Variants in TNC observed in about 807,000 individuals in gnomAD.
TNC encodes the protein tenascin.
Under a neutral mutation model 202.4 loss-of-function variants are expected in TNC, and 109 were observed. The ratio of observed to expected loss-of-function variants is 0.54; its 90% confidence interval spans 0.46 to 0.63. The LOEUF is 0.63. Among genes scored for constraint, TNC ranks in the 30% least tolerant of loss-of-function variants. The probability of loss-of-function intolerance (pLI) is 0.00; values close to 1 mark genes in which losing one functional copy is unlikely to be tolerated. For synonymous variants in TNC, 1,007 were observed against 1,089.7 expected (o/e 0.92, Z 1.50); for missense variants, 2,756 against 2,833.3 (o/e 0.97, Z 0.62).
Position 115,040,302 on chromosome 9 carries a change from A to G in TNC, c.5392+639T>C, listed in dbSNP as rs1055897730. Among the ~76,000 whole-genome samples, 4 of 152,172 alleles carry G rather than the reference A, an allele frequency of 2.6e-5. No individual in the cohort carries two copies. The South Asian group carries it at 8.3e-4, about 32-fold the overall frequency. ...GTCTCCTCTGTAAAATGGGGATGAT[A>G]ATAGCTGTGGGGATTAAATGTGAAG... On this transcript the variant is annotated intron_variant, in intron 19 of 27. Coordinates refer to ENST00000350763, the MANE Select transcript of TNC (RefSeq NM_002160.4).
chr9:115,037,234 G>T (rs561566124), intron 20 of TNC, among the ~76,000 whole-genome samples: 1 of 152,218 alleles, frequency 6.6e-6, no homozygotes, highest in East Asian at 1.9e-4. Context: ...ACAGACGCTG[G>T]TGCCTGCTCA....
At chr9:115,094,867 G>GTGTGTGTGTC (rs1554720502) in intron 1 of TNC, among the ~76,000 whole-genome samples, 7 of 140,394 alleles carry the variant, frequency 5.0e-5, no homozygotes, top group East Asian at 2.2e-4. Context: ...GTGTGTGTGT[G>GTGTGTGTGTC]TGTGCGTTTA....
In TNC at chr9:115,064,920, C is replaced by G. The variant is rs554971570; in HGVS notation, c.3215-1G>C. ...AGGTTTTCCAGCTCAGGGGCTTGTT[C>G]TGAATAATGACAGAGATGGGGTCAG... On this transcript the variant is annotated splice_acceptor_variant, in intron 10 of 27. Transcript: ENST00000350763. LOFTEE classifies it high-confidence loss of function. The G allele has an allele frequency of 6.2e-7, 1 of 1,612,436 alleles. No homozygotes were observed. Among genetic ancestry groups the G allele is most frequent in the Non-Finnish European group, 8.5e-7 (1 of 1,179,034 alleles).
intron 8 of TNC, 125 bp from the exon 9 acceptor site, chr9:115,076,246 AC>A: frequency 7.1e-7 from 1 of 1,400,168 alleles, no homozygotes; most frequent in East Asian, 2.3e-5. Context: ...TTACAAAAGA[AC>A]TCACTGCAAT....
intron 1 of TNC, among the ~76,000 whole-genome samples, chr9:115,102,617 A>C (rs537032247): frequency 3.3e-5 from 5 of 152,304 alleles, no homozygotes; most frequent in African/African-American, 1.2e-4. Flanking sequence ...ATATTATTTG[A>C]TTTATCATTT....
intron 19 of TNC, among the ~76,000 whole-genome samples, chr9:115,038,781 G>A (rs185938056): frequency 1.9e-4 from 29 of 152,200 alleles, no homozygotes; most frequent in Admixed American, 1.6e-3. Context: ...GCATAGTTAA[G>A]ACTGCCCGAG....
At chr9:115,084,156 A>T in intron 4 of TNC, 53 bp downstream of exon 4, 1 of 1,587,174 alleles carries the variant, frequency 6.3e-7, no homozygotes, top group Non-Finnish European at 8.6e-7. Context: ...AGGGTTATAC[A>T]CTGGGTGGGC....
intron 6 of TNC, 54 bp from the exon 7 acceptor site, chr9:115,078,266 C>T: frequency 2.0e-6 from 3 of 1,538,330 alleles, no homozygotes; most frequent in Non-Finnish European, 2.6e-6. Flanking sequence ...TTGCCTGAGG[C>T]TTAGCAGAGA....
intron 27 of TNC, among the ~76,000 whole-genome samples, chr9:115,022,362 T>C (rs1829137350): frequency 6.6e-6 from 1 of 152,330 alleles, no homozygotes; most frequent in African/African-American, 2.4e-5. Flanking sequence ...TTTCCTCTGA[T>C]AGTTCAGGGT....
chr9:115,095,704 G>GTA (rs1298152100), intron 1 of TNC, among the ~76,000 whole-genome samples: 2 of 132,304 alleles, frequency 1.5e-5, no homozygotes, highest in East Asian at 4.2e-4. Flanking sequence ...GTATATATAT[G>GTA]TATATATATA....
At chr9:115,101,977 T>C (rs141604209) in intron 1 of TNC, among the ~76,000 whole-genome samples, 4 of 152,356 alleles carry the variant, frequency 2.6e-5, no homozygotes, top group Non-Finnish European at 5.9e-5. Flanking sequence ...TATCATTAAC[T>C]ATAATTTATT....
chr9:115,042,993 C>T (rs1830882630), intron 17 of TNC, among the ~76,000 whole-genome samples: 1 of 152,148 alleles, frequency 6.6e-6, no homozygotes. Flanking sequence ...AGGCTCATCA[C>T]CAAAGCAAAC....
At chr9:115,111,706 C>T (rs2134362963) in intron 1 of TNC, among the ~76,000 whole-genome samples, 1 of 152,120 alleles carries the variant, frequency 6.6e-6, no homozygotes, top group South Asian at 2.1e-4. Flanking sequence ...GCGACCATGC[C>T]CGGTAACTCT....
intron 15 of TNC, chr9:115,055,826 G>A (rs992958351): frequency 6.6e-6 from 1 of 152,374 alleles, no homozygotes; most frequent in African/African-American, 2.4e-5. Context: ...AAACACATAA[G>A]ACTAAATCCA....
At position 115,085,999 on chromosome 9, in the gene TNC, A is replaced by G. The variant is rs778007086; in HGVS notation, c.1732T>C (p.Cys578Arg). The change falls in exon 3 of 28, where the codon TGC becomes CGC. Residue 578 changes from cysteine (C) to arginine (R), a missense_variant. Physicochemically the swap from Cys to Arg is radical, Grantham distance 180. This residue lies in a region of TNC where 2,559 missense variants were observed against 2,546.0 expected (regional missense o/e 1.01). Coordinates refer to ENST00000350763, the MANE Select transcript of TNC (RefSeq NM_002160.4). ...CCTGTGAAGCCCTCGTGGCAGATGC[A>G]CTGGCCGTCCACGCAGCGGCCCTGG... is the stretch of plus-strand genomic sequence containing the variant. ...HGQGRCVDGQ[C>R]ICHEGFTGLD... The G allele has an allele frequency of 2.5e-6, 4 of 1,613,942 alleles. No individual in the cohort carries two copies. The highest frequency in any genetic ancestry group is 1.7e-6 in the Non-Finnish European group (2 of 1,179,924).
intron 6 of TNC, among the ~76,000 whole-genome samples, chr9:115,080,506 A>C (rs1336196220): frequency 1.3e-5 from 2 of 152,234 alleles, no homozygotes; most frequent in Non-Finnish European, 2.9e-5. Context: ...TTTTTCCAAC[A>C]ACCCCCTGCC....
chr9:115,061,184 A>G (rs1347559055), intron 13 of TNC, among the ~76,000 whole-genome samples: 1 of 152,210 alleles, frequency 6.6e-6, no homozygotes, highest in African/African-American at 2.4e-5. Flanking sequence ...TGAAAGATAT[A>G]GATACTTGCT....
intron 6 of TNC, among the ~76,000 whole-genome samples, chr9:115,081,350 G>C (rs768693731): frequency 2.7e-4 from 41 of 152,174 alleles, no homozygotes; most frequent in Non-Finnish European, 5.6e-4. Context: ...TCAAGAGATG[G>C]ATCTGTTTCT....
intron 7 of TNC, 146 bp from the exon 8 acceptor site, chr9:115,076,721 A>G (rs1490504983): frequency 1.1e-6 from 1 of 912,668 alleles, no homozygotes; most frequent in Non-Finnish European, 1.7e-6. Flanking sequence ...CCCATAGTGG[A>G]TGTGCAAATC....
Sources: allele counts gnomAD v4.1 joint callset (sites outside exome capture counted in the v4.1 genomes callset), GRCh38; gene constraint gnomAD v4.1.1; regional missense constraint gnomAD v4.1.1; transcripts MANE v1.5; gene names NCBI Gene and HGNC (gene_info 2026-07-23, HGNC 2026-07-21).